CHRDL1: variants seen among roughly 807,000 people sequenced by gnomAD.
CHRDL1 encodes the protein chordin-like protein 1.
Under a neutral mutation model 40.9 loss-of-function variants are expected in CHRDL1, and 19 were observed. The ratio of observed to expected loss-of-function variants is 0.46; its 90% confidence interval spans 0.32 to 0.68. The LOEUF is 0.68. Ranked by LOEUF, CHRDL1 falls within the 30% of genes least tolerant of loss-of-function variation. CHRDL1 has a pLI of 0.03. For synonymous variants in CHRDL1, 136 were observed against 123.4 expected (o/e 1.10, Z -0.68); for missense variants, 329 against 352.1 (o/e 0.93, Z 0.53).
intron 2 of CHRDL1, among the ~76,000 whole-genome samples, chrX:110,775,531 A>G (rs2089838012): frequency 9.0e-6 from 1 of 111,490 alleles, no homozygotes; most frequent in Non-Finnish European, 1.9e-5. Flanking sequence ...TACAATTTTT[A>G]TATGTATCTC....
intron 3 of CHRDL1, among the ~76,000 whole-genome samples, chrX:110,760,267 C>A (rs1481180954): frequency 8.9e-6 from 1 of 112,118 alleles, no homozygotes; most frequent in East Asian, 2.8e-4. Context: ...AGCCAAAATT[C>A]TTCTGAGGAC....
At chrX:110,744,719 G>A (rs777886454) in intron 4 of CHRDL1, among the ~76,000 whole-genome samples, 2 of 111,229 alleles carry the variant, frequency 1.8e-5, no homozygotes, top group Non-Finnish European at 3.8e-5. Context: ...CTAGCCAGAC[G>A]TAGCCACTAA....
intron 4 of CHRDL1, among the ~76,000 whole-genome samples, chrX:110,742,044 G>T (rs756491428): frequency 9.8e-5 from 11 of 112,391 alleles, no homozygotes; most frequent in Non-Finnish European, 1.9e-4. Flanking sequence ...GAAGAGAGAT[G>T]AAAGGATACT....
chrX:110,750,540 A>G (rs1333584473), intron 4 of CHRDL1, among the ~76,000 whole-genome samples: 1 of 112,585 alleles, frequency 8.9e-6, no homozygotes, highest in Non-Finnish European at 1.9e-5. Flanking sequence ...ACTAAGTTAA[A>G]AACAGACTAA....
At chrX:110,731,413 C>T (rs1164851689) in intron 4 of CHRDL1, among the ~76,000 whole-genome samples, 1 of 111,456 alleles carries the variant, frequency 9.0e-6, no homozygotes, top group African/African-American at 3.3e-5. Flanking sequence ...AGTACAGCTG[C>T]TTTGGAAGAT....
At chrX:110,676,813 G>T (rs1347512532) in intron 11 of CHRDL1, among the ~76,000 whole-genome samples, 1 of 110,778 alleles carries the variant, frequency 9.0e-6, no homozygotes, top group African/African-American at 3.3e-5. Context: ...ATTGGTTTGG[G>T]TTACTTGATT....
At chrX:110,722,921 G>A (rs1449672642) in intron 4 of CHRDL1, among the ~76,000 whole-genome samples, 1 of 110,905 alleles carries the variant, frequency 9.0e-6, no homozygotes, top group Non-Finnish European at 1.9e-5. Context: ...TCTATTTTGT[G>A]GTGGGTAAGT....
chrX:110,716,194 A>G (rs1274073048), intron 6 of CHRDL1, among the ~76,000 whole-genome samples: 1 of 111,964 alleles, frequency 8.9e-6, no homozygotes, highest in East Asian at 2.8e-4. Flanking sequence ...GAGACCAAGT[A>G]ATTTCCTATT....
intron 6 of CHRDL1, among the ~76,000 whole-genome samples, chrX:110,709,733 G>A (rs758221985): frequency 4.5e-5 from 5 of 112,178 alleles, no homozygotes; most frequent in South Asian, 3.7e-4. Flanking sequence ...CACTGAGCGC[G>A]GTGACTCATG....
chrX:110,767,960 C>A (rs749940692), intron 2 of CHRDL1, among the ~76,000 whole-genome samples: 14 of 112,162 alleles, frequency 1.2e-4, no homozygotes, highest in African/African-American at 3.2e-5. Context: ...GGAAGCATCA[C>A]GCTACCTGAT....
At chrX:110,714,772 GT>G (rs1446972179) in intron 6 of CHRDL1, among the ~76,000 whole-genome samples, 1 of 111,744 alleles carries the variant, frequency 8.9e-6, no homozygotes, top group South Asian at 3.8e-4. Flanking sequence ...TTATATGAAG[GT>G]TTGCAAGTTC....
intron 2 of CHRDL1, among the ~76,000 whole-genome samples, chrX:110,777,994 C>A (rs901133480): frequency 9.0e-5 from 10 of 111,022 alleles, no homozygotes; most frequent in African/African-American, 2.9e-4. Flanking sequence ...CAAAAACAAG[C>A]AATGGAGAAA....
chrX:110,778,887 C>T (rs765043129), intron 2 of CHRDL1, among the ~76,000 whole-genome samples: 99 of 111,655 alleles, frequency 8.9e-4, no homozygotes, highest in African/African-American at 2.7e-3. Context: ...ATAAAATGTG[C>T]ACATATACAC....
intron 4 of CHRDL1, among the ~76,000 whole-genome samples, chrX:110,753,465 G>C (rs1172461217): frequency 9.8e-5 from 11 of 111,939 alleles, no homozygotes. Context: ...TCAGAAACTA[G>C]ATTAGTGGTA....
chrX:110,688,545 C>A, intron 9 of CHRDL1, 49 bp downstream of exon 9: 1 of 879,803 alleles, frequency 1.1e-6, no homozygotes, highest in Non-Finnish European at 1.7e-6. Context: ...TTTAGAAAGA[C>A]TAGGTGAGAA....
chrX:110,691,034 C>T (rs2070264571), intron 8 of CHRDL1, among the ~76,000 whole-genome samples: 1 of 109,957 alleles, frequency 9.1e-6, no homozygotes, highest in African/African-American at 3.3e-5. Flanking sequence ...CAAAGGGAGA[C>T]CCCAGTCTCT....
At chrX:110,719,711 T>G (rs2070911169) in intron 6 of CHRDL1, 124 bp downstream of exon 6, 3 of 365,914 alleles carry the variant, frequency 8.2e-6, no homozygotes, top group Admixed American at 4.4e-5. Flanking sequence ...TAAACCACCT[T>G]TAAAAACTAA....
At chrX:110,761,793 C>T (rs185712054) in intron 3 of CHRDL1, among the ~76,000 whole-genome samples, 4 of 112,508 alleles carry the variant, frequency 3.6e-5, no homozygotes, top group African/African-American at 1.3e-4. Context: ...TGGGTCAAGA[C>T]CATGGGAAGA....
chrX:110,792,079 G>A lies in CHRDL1; in HGVS notation c.94+9C>T, dbSNP rs1425370933. 1.9e-6 allele frequency: 2 copies of A among 1,070,929 alleles called. No individual in the cohort carries two copies. Among genetic ancestry groups the A allele is most frequent in the Non-Finnish European group, 2.6e-6 (2 of 777,723 alleles). The allele number at this position is 1,070,929 out of a possible 1,213,427, so 88.3% of individuals were successfully genotyped here. A position where few individuals can be genotyped will look rare whatever the true frequency, so the allele number is the denominator to read the frequency against. On this transcript the variant is annotated intron_variant, in intron 2 of 11. Transcript: ENST00000372042. The stretch of plus-strand genomic sequence containing the variant: ...AAAGTGTATTATTTTCCAAATGCAA[G>A]ACACTTACGTTTTACTTGCTCTGTT...
Sources: gnomAD v4.1 joint callset for allele counts (sites outside exome capture counted in the v4.1 genomes callset) on GRCh38, gnomAD v4.1.1 for gene constraint, MANE v1.5 for transcripts, NCBI Gene and HGNC (gene_info 2026-07-23, HGNC 2026-07-21) for gene names.